The following EPHA3 variants were observed in gnomAD, a reference collection of about 807,000 sequenced individuals.
The protein encoded by EPHA3 is ephrin type-A receptor 3.
Under a neutral mutation model 107.1 loss-of-function variants are expected in EPHA3, and 42 were observed. That is an observed-to-expected ratio of 0.39 (90% CI 0.31 to 0.51). The LOEUF (loss-of-function observed/expected upper bound fraction) is 0.51. EPHA3 is among the 20% of genes least tolerant of loss of function. The pLI is 0.78. For missense variants in EPHA3, 1,183 were observed against 1,211.2 expected, an observed-to-expected ratio of 0.98 and a Z score of 0.35; for synonymous variants, 461 against 424.8, an observed-to-expected ratio of 1.09 and a Z score of -1.05.
At chr3:89,156,650 G>A (rs1444639263) in intron 2 of EPHA3, among the ~76,000 whole-genome samples, 1 of 151,850 alleles carries the variant, frequency 6.6e-6, no homozygotes, top group East Asian at 1.9e-4. Context: ...TTGTGAAAAT[G>A]TTTACTTCTT....
At chr3:89,140,961 A>C (rs952632965) in intron 2 of EPHA3, among the ~76,000 whole-genome samples, 3 of 151,660 alleles carry the variant, frequency 2.0e-5, no homozygotes, top group African/African-American at 7.3e-5. Flanking sequence ...CTTTCGATAT[A>C]TCATTTCATT....
chr3:89,128,026 T>G (rs1370705567), intron 2 of EPHA3, among the ~76,000 whole-genome samples: 1 of 152,134 alleles, frequency 6.6e-6, no homozygotes, highest in Non-Finnish European at 1.5e-5. Context: ...TGAGCATACC[T>G]TTTTGTTTCT....
chr3:89,469,943 A>T (rs1710367633), intron 15 of EPHA3, among the ~76,000 whole-genome samples: 1 of 152,160 alleles, frequency 6.6e-6, no homozygotes, highest in African/African-American at 2.4e-5. Flanking sequence ...CATTTCAAGT[A>T]TATAAGAAAA....
Position 89,342,033 on chromosome 3 carries a change from G to C in EPHA3, c.1249G>C (p.Glu417Gln). Residue 417 changes from glutamate to glutamine, a missense_variant, in exon 5 of 17, where the codon GAG (glutamate) becomes CAG (glutamine). Glu to Gln is a conservative substitution (Grantham distance 29). Coordinates refer to ENST00000336596, the MANE Select transcript of EPHA3 (RefSeq NM_005233.6). ...GATTGATGCCGTTAATGGGGTGTCA[G>C]AGCTGAGCTCCCCACCAAGACAGTT... Reference protein sequence around the residue: ...FEIDAVNGVSELSSPPRQFAA... With the variant: ...FEIDAVNGVSQLSSPPRQFAA... 1 of 1,612,018 alleles carries C rather than the reference G, an allele frequency of 6.2e-7. No homozygotes were observed. Among genetic ancestry groups the C allele is most frequent in the Non-Finnish European group, 8.5e-7 (1 of 1,179,614 alleles).
chr3:89,170,698 A>G (rs1375194310), intron 2 of EPHA3, among the ~76,000 whole-genome samples: 1 of 152,216 alleles, frequency 6.6e-6, no homozygotes, highest in African/African-American at 2.4e-5. Flanking sequence ...AGTTATAAAA[A>G]TGATACGTTT....
intron 3 of EPHA3, among the ~76,000 whole-genome samples, chr3:89,262,990 T>TA (rs1303303030): frequency 7.2e-6 from 1 of 138,786 alleles, no homozygotes; most frequent in Non-Finnish European, 1.5e-5. Context: ...TTTTTTTTTT[T>TA]AATTATACTT....
At chr3:89,137,665 A>G (rs756635984) in intron 2 of EPHA3, among the ~76,000 whole-genome samples, 20 of 150,956 alleles carry the variant, frequency 1.3e-4, no homozygotes, top group Admixed American at 1.1e-3. Flanking sequence ...TTATGTGAAT[A>G]AAAATATTAC....
chr3:89,407,205 G>A, intron 7 of EPHA3, 64 bp from the exon 8 acceptor site: 1 of 1,149,042 alleles, frequency 8.7e-7, no homozygotes, highest in Non-Finnish European at 1.3e-6. Context: ...TCAATCAACT[G>A]TTCCATGTAG....
chr3:89,330,543 CTGAGT>C (rs1338470388), intron 3 of EPHA3, among the ~76,000 whole-genome samples: 5 of 151,858 alleles, frequency 3.3e-5, no homozygotes, highest in African/African-American at 1.2e-4. Flanking sequence ...AATTTGAAAG[CTGAGT>C]TAATTCCTCA....
chr3:89,460,928 A>T (rs1255151796), intron 15 of EPHA3, among the ~76,000 whole-genome samples: 1 of 122,052 alleles, frequency 8.2e-6, no homozygotes, highest in Non-Finnish European at 1.7e-5. Flanking sequence ...TGCACCCACT[A>T]ATGTGTCATC....
chr3:89,382,508 C>CAAAAA (rs575357952), intron 5 of EPHA3, among the ~76,000 whole-genome samples: 268 of 79,766 alleles, frequency 3.4e-3, no homozygotes, highest in African/African-American at 0.013. Flanking sequence ...AATTCCATCT[C>CAAAAA]AAAAAAAAAA....
At chr3:89,180,609 G>C (rs1437229948) in intron 2 of EPHA3, among the ~76,000 whole-genome samples, 3 of 151,980 alleles carry the variant, frequency 2.0e-5, no homozygotes, top group Non-Finnish European at 4.4e-5. Flanking sequence ...CAGCAGTTTA[G>C]TAGCGTTATA....
At chr3:89,474,296 G>A (rs1207893967) in intron 16 of EPHA3, among the ~76,000 whole-genome samples, 1 of 152,162 alleles carries the variant, frequency 6.6e-6, no homozygotes, top group East Asian at 1.9e-4. Flanking sequence ...AATTTAACAT[G>A]CACCAGCATT....
intron 2 of EPHA3, among the ~76,000 whole-genome samples, chr3:89,137,478 G>C (rs1482469589): frequency 6.6e-6 from 1 of 151,792 alleles, no homozygotes; most frequent in Non-Finnish European, 1.5e-5. Context: ...AAAAACTATG[G>C]TATAGTATAC....
At chr3:89,156,795 T>C (rs1230126821) in intron 2 of EPHA3, among the ~76,000 whole-genome samples, 1 of 151,988 alleles carries the variant, frequency 6.6e-6, no homozygotes, top group African/African-American at 2.4e-5. Flanking sequence ...GTGCTAAATA[T>C]ATAAGAATAT....
At chr3:89,137,109 C>G (rs1704330737) in intron 2 of EPHA3, among the ~76,000 whole-genome samples, 1 of 151,836 alleles carries the variant, frequency 6.6e-6, no homozygotes, top group South Asian at 2.1e-4. Flanking sequence ...TGTGTTGAAA[C>G]ATGCAAAATA....
chr3:89,165,982 A>G (rs1705053283), intron 2 of EPHA3, among the ~76,000 whole-genome samples: 1 of 152,190 alleles, frequency 6.6e-6, no homozygotes, highest in Non-Finnish European at 1.5e-5. Context: ...TGTTTTACAG[A>G]TGATGAAACT....
At chr3:89,272,541 T>A (rs183641249) in intron 3 of EPHA3, among the ~76,000 whole-genome samples, 35 of 152,098 alleles carry the variant, frequency 2.3e-4, no homozygotes, top group African/African-American at 7.7e-4. Context: ...AAATAAGGCA[T>A]GTGCTATGCC....
chr3:89,469,361 G>A (rs1271811827), intron 15 of EPHA3, among the ~76,000 whole-genome samples: 1 of 152,104 alleles, frequency 6.6e-6, no homozygotes, highest in Non-Finnish European at 1.5e-5. Flanking sequence ...CTGAAACTCA[G>A]GGTTAAAACT....
Sources: gnomAD v4.1 joint callset for allele counts (sites outside exome capture counted in the v4.1 genomes callset) on GRCh38, gnomAD v4.1.1 for gene constraint, MANE v1.5 for transcripts, NCBI Gene and HGNC (gene_info 2026-07-23, HGNC 2026-07-21) for gene names.